Variants in SPAG16 observed in about 807,000 individuals in gnomAD.
SPAG16 encodes sperm associated antigen 16.
SPAG16 carries 86 observed loss-of-function variants against 80.4 expected under a neutral mutation model. The observed-to-expected ratio is 1.07, with a 90% CI of 0.90 to 1.28. The LOEUF is 1.28. Ranked by LOEUF, SPAG16 falls within the 50% of genes most tolerant of loss-of-function variation. SPAG16 has a pLI of 0.00. For missense variants in SPAG16, 870 were observed against 765.3 expected, an observed-to-expected ratio of 1.14 and a Z score of -1.61; for synonymous variants, 294 against 265.9, an observed-to-expected ratio of 1.11 and a Z score of -1.03.
intron 15 of SPAG16, among the ~76,000 whole-genome samples, chr2:214,403,718 A>G (rs1359188125): frequency 1.3e-5 from 2 of 152,190 alleles, no homozygotes; most frequent in Non-Finnish European, 2.9e-5. Context: ...AGCTGCTACT[A>G]TTATCCACTG....
At chr2:213,622,145 A>G (rs2125055750) in intron 10 of SPAG16, among the ~76,000 whole-genome samples, 1 of 152,332 alleles carries the variant, frequency 6.6e-6, no homozygotes, top group South Asian at 2.1e-4. Context: ...AAATGAGTGA[A>G]ATGGACCACC....
chr2:214,328,757 A>G (rs932967280), intron 15 of SPAG16, among the ~76,000 whole-genome samples: 5 of 152,192 alleles, frequency 3.3e-5, no homozygotes, highest in Non-Finnish European at 1.5e-5. Context: ...AACTATCCAA[A>G]TCTACTTTTG....
intron 13 of SPAG16, 75 bp downstream of exon 13, chr2:214,014,152 T>C: frequency 6.4e-7 from 1 of 1,560,860 alleles, no homozygotes; most frequent in South Asian, 1.2e-5. Context: ...GGGTATGGAA[T>C]ATGACTTAAA....
At chr2:213,831,018 G>T (rs2073610305) in intron 10 of SPAG16, among the ~76,000 whole-genome samples, 1 of 143,778 alleles carries the variant, frequency 7.0e-6, no homozygotes, top group Admixed American at 7.0e-5. Context: ...ATTTATTGTT[G>T]AAAAGTGAAA....
At chr2:213,606,709 C>T (rs761609446) in intron 10 of SPAG16, among the ~76,000 whole-genome samples, 1 of 152,120 alleles carries the variant, frequency 6.6e-6, no homozygotes. Flanking sequence ...ACACTTGGCC[C>T]TAAGACTCTC....
rs1250204138 is a variant in SPAG16 at position 213,552,554 on chromosome 2, C to T, written c.1070+62464C>T. On this transcript the variant is annotated intron_variant, in intron 10 of 15. Coordinates refer to ENST00000331683, the MANE Select transcript of SPAG16 (RefSeq NM_024532.5). ...TTTATATATTGATAAGCTGTGTTTTCCAGAGCTGATATAATTTATTCATTT... is the reference window on the plus strand; with the variant it reads ...TTTATATATTGATAAGCTGTGTTTTTCAGAGCTGATATAATTTATTCATTT... Among the ~76,000 whole-genome samples, 3 of 152,078 alleles carry T rather than the reference C, an allele frequency of 2.0e-5. No homozygotes were observed. The East Asian group carries it at 5.8e-4, about 29-fold the overall frequency.
chr2:213,349,162 A>C (rs1414743422), intron 6 of SPAG16, among the ~76,000 whole-genome samples: 1 of 152,234 alleles, frequency 6.6e-6, no homozygotes, highest in East Asian at 1.9e-4. Flanking sequence ...TGAATGATTA[A>C]AAATGCAGCA....
intron 9 of SPAG16, among the ~76,000 whole-genome samples, chr2:213,489,014 G>A (rs1010864934): frequency 3.4e-5 from 5 of 146,726 alleles, no homozygotes; most frequent in Admixed American, 2.7e-4. Context: ...GGCGGAGGTT[G>A]CAGTGAGCCA....
At chr2:213,858,867 G>A (rs1575376726) in intron 10 of SPAG16, among the ~76,000 whole-genome samples, 1 of 151,888 alleles carries the variant, frequency 6.6e-6, no homozygotes, top group African/African-American at 2.4e-5. Flanking sequence ...TTTATTTTTA[G>A]AGACCTCTAT....
intron 5 of SPAG16, among the ~76,000 whole-genome samples, chr2:213,337,411 A>G (rs2064424922): frequency 6.6e-6 from 1 of 152,228 alleles, no homozygotes; most frequent in Non-Finnish European, 1.5e-5. Flanking sequence ...AAGATGGGTA[A>G]TAATGAACTT....
intron 10 of SPAG16, among the ~76,000 whole-genome samples, chr2:213,731,670 G>C (rs1203478720): frequency 1.3e-5 from 2 of 152,180 alleles, no homozygotes; most frequent in East Asian, 3.9e-4. Context: ...CAGTGTGTGT[G>C]TTGTTCTCCA....
At chr2:213,744,083 G>A (rs1201652844) in intron 10 of SPAG16, among the ~76,000 whole-genome samples, 1 of 152,162 alleles carries the variant, frequency 6.6e-6, no homozygotes, top group East Asian at 1.9e-4. Flanking sequence ...TCCTTCAGAG[G>A]ATTTACTTTT....
At chr2:213,673,823 T>C (rs1413729550) in intron 10 of SPAG16, among the ~76,000 whole-genome samples, 1 of 152,006 alleles carries the variant, frequency 6.6e-6, no homozygotes, top group Non-Finnish European at 1.5e-5. Flanking sequence ...ATAAAGAACA[T>C]TGGAAAAATA....
intron 13 of SPAG16, among the ~76,000 whole-genome samples, chr2:214,089,540 C>T (rs998461056): frequency 6.6e-6 from 1 of 151,992 alleles, no homozygotes; most frequent in African/African-American, 2.4e-5. Flanking sequence ...TTCTAAGCCT[C>T]TTTATCCTGG....
intron 9 of SPAG16, among the ~76,000 whole-genome samples, chr2:213,384,662 G>T (rs966111701): frequency 6.6e-6 from 1 of 152,124 alleles, no homozygotes; most frequent in Non-Finnish European, 1.5e-5. Context: ...TTTTCATAGG[G>T]ACTGAACTTC....
chr2:214,171,737 A>G (rs2056874008), intron 15 of SPAG16, among the ~76,000 whole-genome samples: 1 of 152,012 alleles, frequency 6.6e-6, no homozygotes, highest in Non-Finnish European at 1.5e-5. Context: ...TACTAGTTTA[A>G]GAATAAGGCT....
intron 14 of SPAG16, among the ~76,000 whole-genome samples, chr2:214,125,467 A>G (rs576843486): frequency 1.3e-5 from 2 of 151,676 alleles, no homozygotes; most frequent in South Asian, 4.1e-4. Context: ...CCAGGGTATT[A>G]TGGATACAAT....
At position 213,387,108 on chromosome 2, in the gene SPAG16, A is replaced by T. The variant is rs2067467991; in HGVS notation, c.942+11989A>T. On this transcript the variant is annotated intron_variant, in intron 9 of 15. Coordinates refer to ENST00000331683, the MANE Select transcript of SPAG16 (RefSeq NM_024532.5). ...TTTAAAAGGTAATATTTATACATAGAATTTCCTTTTTTGTTGTAGAAGGGA... is the reference window on the plus strand; with the variant it reads ...TTTAAAAGGTAATATTTATACATAGTATTTCCTTTTTTGTTGTAGAAGGGA... 3.9e-5 allele frequency among the ~76,000 whole-genome samples: 6 copies of T among 152,212 alleles called. No individual in the cohort carries two copies. In the South Asian group the frequency reaches 1.2e-3, roughly 32 times the overall value.
intron 6 of SPAG16, among the ~76,000 whole-genome samples, chr2:213,345,840 C>G (rs2064948904): frequency 6.6e-6 from 1 of 152,078 alleles, no homozygotes; most frequent in African/African-American, 2.4e-5. Context: ...GTTCTTTTTG[C>G]TTAGGATTGA....
Sources: gnomAD v4.1 joint callset for allele counts (sites outside exome capture counted in the v4.1 genomes callset) on GRCh38, gnomAD v4.1.1 for gene constraint, MANE v1.5 for transcripts, NCBI Gene and HGNC (gene_info 2026-07-23, HGNC 2026-07-21) for gene names.